The following HS3ST5 variants were observed in gnomAD, a reference collection of about 807,000 sequenced individuals.
HS3ST5 encodes the protein heparan sulfate glucosamine 3-O-sulfotransferase 5.
HS3ST5 carries 10 observed loss-of-function variants against 25.4 expected under a neutral mutation model. The ratio of observed to expected loss-of-function variants is 0.39; its 90% CI spans 0.24 to 0.67. The LOEUF is 0.67. Among genes scored for constraint, HS3ST5 ranks in the 30% least tolerant of loss-of-function variants. The pLI, the probability that HS3ST5 is intolerant of heterozygous loss-of-function variation, is 0.44. For missense variants in HS3ST5, 324 were observed against 420.7 expected (o/e 0.77, Z 2.01); for synonymous variants, 170 against 162.4 (o/e 1.05, Z -0.36).
At chr6:114,237,193 A>G (rs371413478) in intron 1 of HS3ST5, among the ~76,000 whole-genome samples, 1 of 152,206 alleles carries the variant, frequency 6.6e-6, no homozygotes, top group South Asian at 2.1e-4. Flanking sequence ...GTGTTAATTT[A>G]TGCTATTGTA....
At chr6:114,310,147 T>C (rs1413050380) in intron 1 of HS3ST5, among the ~76,000 whole-genome samples, 2 of 152,172 alleles carry the variant, frequency 1.3e-5, no homozygotes, top group Admixed American at 6.5e-5. Context: ...ACAGAAGACT[T>C]AGATTTAAAT....
At chr6:114,285,885 T>C (rs1562264084) in intron 1 of HS3ST5, among the ~76,000 whole-genome samples, 1 of 151,948 alleles carries the variant, frequency 6.6e-6, no homozygotes. Flanking sequence ...CCATCGCAAA[T>C]AGTGGTGAAG....
At chr6:114,207,602 A>G (rs1232718346) in intron 2 of HS3ST5, among the ~76,000 whole-genome samples, 4 of 152,232 alleles carry the variant, frequency 2.6e-5, no homozygotes, top group Admixed American at 2.0e-4. Context: ...ATCCTGCTCT[A>G]TAACTCAGGC....
chr6:114,107,039 G>C (rs1013046027), intron 3 of HS3ST5, among the ~76,000 whole-genome samples: 8 of 152,070 alleles, frequency 5.3e-5, no homozygotes, highest in Non-Finnish European at 1.0e-4. Context: ...AGCAAACATA[G>C]ATTCTATTCT....
chr6:114,164,224 G>A (rs1779105028), intron 3 of HS3ST5, among the ~76,000 whole-genome samples: 1 of 151,938 alleles, frequency 6.6e-6, no homozygotes, highest in African/African-American at 2.4e-5. Flanking sequence ...TATTTGTATA[G>A]TTTAGAAAAT....
At chr6:114,064,568 A>T (rs1444940565) in intron 3 of HS3ST5, among the ~76,000 whole-genome samples, 1 of 152,224 alleles carries the variant, frequency 6.6e-6, no homozygotes, top group East Asian at 1.9e-4. Flanking sequence ...ACCAGCAGTC[A>T]TCCAACACAC....
At chr6:114,166,053 G>A (rs1436760810) in intron 3 of HS3ST5, among the ~76,000 whole-genome samples, 1 of 151,514 alleles carries the variant, frequency 6.6e-6, no homozygotes. Context: ...AAATAATAAA[G>A]TAAAAATACC....
chr6:114,340,994 A>T (rs1326727960), intron 1 of HS3ST5, among the ~76,000 whole-genome samples: 1 of 139,416 alleles, frequency 7.2e-6, no homozygotes, highest in African/African-American at 2.7e-5. Flanking sequence ...CCTGCATGCT[A>T]TTTATCAGAC....
Position 114,057,815 on chromosome 6 carries a change from G to T in HS3ST5, c.483C>A (p.Ile161=). The T allele has an allele frequency of 6.2e-7, 1 of 1,614,138 alleles. No homozygotes were observed. Reference sequence around the variant, plus strand: ...AAATCCTTTCTGGAACCTCCTCTGTGATAAAATATGCTGGGCTCTTTTCAA... The same window carrying T: ...AAATCCTTTCTGGAACCTCCTCTGTTATAAAATATGCTGGGCTCTTTTCAA... ...ITIEKSPAYF[I]TEEVPERIYK... is the part of the protein sequence containing the mutation. The change falls in exon 5 of 5, where the codon ATC becomes ATA. Residue 161 remains isoleucine (I), a synonymous_variant. Transcript: ENST00000312719.
chr6:114,235,234 AAATGGT>A (rs1562247591), intron 1 of HS3ST5, among the ~76,000 whole-genome samples: 1 of 152,218 alleles, frequency 6.6e-6, no homozygotes, highest in Non-Finnish European at 1.5e-5. Context: ...ATACTGCATA[AAATGGT>A]AAAAAGCTTT....
chr6:114,231,532 A>G (rs1771589227), intron 1 of HS3ST5: 1 of 151,828 alleles, frequency 6.6e-6, no homozygotes, highest in African/African-American at 2.4e-5. Flanking sequence ...AAGGTCCTTA[A>G]CCTGGCATTT....
At chr6:114,288,367 G>A (rs1204773562) in intron 1 of HS3ST5, among the ~76,000 whole-genome samples, 4 of 151,994 alleles carry the variant, frequency 2.6e-5, no homozygotes, top group East Asian at 1.9e-4. Flanking sequence ...TATGAACTGC[G>A]ATTATATTAT....
intron 3 of HS3ST5, chr6:114,084,833 CTTTTTT>C: frequency 2.0e-5 from 10 of 503,746 alleles, no homozygotes; most frequent in Middle Eastern, 5.9e-4. Context: ...CTTTTCTTTT[CTTTTTT>C]TTTTTTTTTT....
intron 2 of HS3ST5, among the ~76,000 whole-genome samples, chr6:114,205,042 G>A (rs548495690): frequency 4.6e-5 from 7 of 152,168 alleles, no homozygotes; most frequent in African/African-American, 1.7e-4. Context: ...GAACACTGCC[G>A]TTTGTTTTTT....
chr6:114,104,252 T>C (rs1775883800), intron 3 of HS3ST5, among the ~76,000 whole-genome samples: 1 of 152,140 alleles, frequency 6.6e-6, no homozygotes, highest in Non-Finnish European at 1.5e-5. Context: ...AATTCAGATA[T>C]CCAGCAAGTA....
At position 114,213,184 on chromosome 6, in the gene HS3ST5, G is replaced by A. The variant is rs188235837; in HGVS notation, c.-145+15401C>T. Among the ~76,000 whole-genome samples the A allele has an allele frequency of 1.9e-3, 287 of 152,096 alleles. 1 individual carries two copies. The highest frequency in any genetic ancestry group is 3.4e-3 in the Middle Eastern group (1 of 294). ...TTGAACTCTTCTTCGAAGTCCTGCC[G>A]TCAAGCCATCCTTCTGAAGTCAAGC... On this transcript the variant is annotated intron_variant, in intron 2 of 4. Transcript: ENST00000312719.
intron 1 of HS3ST5, among the ~76,000 whole-genome samples, chr6:114,320,885 T>C (rs1013140825): frequency 1.1e-4 from 16 of 149,770 alleles, no homozygotes; most frequent in African/African-American, 3.7e-4. Flanking sequence ...TGGCAGTACA[T>C]AGGAAGTGCT....
chr6:114,307,672 A>G (rs1165509666), intron 1 of HS3ST5, among the ~76,000 whole-genome samples: 2 of 152,152 alleles, frequency 1.3e-5, no homozygotes, highest in African/African-American at 2.4e-5. Context: ...AAATTTAAAA[A>G]GTAGATGAAT....
chr6:114,135,715 T>C (rs1418287100), intron 3 of HS3ST5, among the ~76,000 whole-genome samples: 1 of 152,256 alleles, frequency 6.6e-6, no homozygotes, highest in Non-Finnish European at 1.5e-5. Flanking sequence ...CGTTTATTTA[T>C]TGCTGTTTCT....
Sources: allele counts gnomAD v4.1 joint callset (sites outside exome capture counted in the v4.1 genomes callset), GRCh38; gene constraint gnomAD v4.1.1; transcripts MANE v1.5; gene names NCBI Gene and HGNC (gene_info 2026-07-23, HGNC 2026-07-21).